Variants in GREB1 observed in about 807,000 individuals in gnomAD.
GREB1 encodes the protein growth regulating estrogen receptor binding 1.
GREB1 carries 106 observed loss-of-function variants against 200.7 expected under a neutral mutation model. The ratio of observed to expected loss-of-function variants is 0.53; its 90% CI spans 0.45 to 0.62. The LOEUF (loss-of-function observed/expected upper bound fraction) is 0.62. Among genes scored for constraint, GREB1 ranks in the 20% least tolerant of loss-of-function variants. The probability of loss-of-function intolerance (pLI) is 0.00; values close to 1 mark genes in which losing one functional copy is unlikely to be tolerated. For missense variants in GREB1, 2,243 were observed against 2,556.8 expected (o/e 0.88, Z 2.65); for synonymous variants, 1,132 against 1,092.4 (o/e 1.04, Z -0.72).
intron 1 of GREB1, among the ~76,000 whole-genome samples, chr2:11,505,059 G>A (rs960035304): frequency 2.0e-5 from 3 of 152,150 alleles, no homozygotes; most frequent in Non-Finnish European, 2.9e-5. Context: ...AGCCTCCTAA[G>A]TAGTTGGGAC....
In GREB1 at chr2:11,566,637, T is replaced by G. The variant is rs991199915; in HGVS notation, c.435T>G (p.Asn145Lys). 1.2e-6 allele frequency: 2 copies of G among 1,613,302 alleles called. No homozygotes were observed. The highest frequency in any genetic ancestry group is 1.3e-5 in the African/African-American group (1 of 74,892). ...ACAAGAGGTTCTTGCCAGATGACAA[T>G]GGCCACAATGCTCTTCTTGGTAAGT... ...AVDKRFLPDD[N>K]GHNALLGFSG... is the part of the protein sequence containing the mutation. The change falls in exon 4 of 33, where the codon AAT (asparagine) becomes AAG (lysine). Residue 145 changes from asparagine to lysine, a missense_variant. Around this residue, in one of 3 missense-constraint regions of GREB1, gnomAD observed 1,178 missense variants for 1,387.4 expected, o/e 0.85. Coordinates refer to ENST00000381486, the MANE Select transcript of GREB1 (RefSeq NM_014668.4).
intron 1 of GREB1, among the ~76,000 whole-genome samples, chr2:11,483,927 T>C (rs1012183005): frequency 7.2e-5 from 11 of 152,238 alleles, no homozygotes; most frequent in Non-Finnish European, 1.5e-4. Context: ...ACTTCAGGGC[T>C]TGAAAGACTT....
intron 1 of GREB1, among the ~76,000 whole-genome samples, chr2:11,540,388 G>T (rs1335165015): frequency 2.0e-5 from 3 of 152,230 alleles, no homozygotes; most frequent in Non-Finnish European, 2.9e-5. Flanking sequence ...CTTGGGCCCT[G>T]CCTGGTTGGT....
chr2:11,628,026 T>C (rs975300794), intron 25 of GREB1, among the ~76,000 whole-genome samples: 20 of 151,894 alleles, frequency 1.3e-4, no homozygotes, highest in African/African-American at 4.6e-4. Flanking sequence ...ACCCAGACTT[T>C]GGGGTGGGTA....
At chr2:11,600,386 A>G (rs1420756876) in intron 15 of GREB1, among the ~76,000 whole-genome samples, 1 of 152,144 alleles carries the variant, frequency 6.6e-6, no homozygotes, top group Non-Finnish European at 1.5e-5. Context: ...TAAACTGACT[A>G]TAGAATTTAC....
chr2:11,550,299 C>G (rs566285868), intron 1 of GREB1, among the ~76,000 whole-genome samples: 10 of 152,282 alleles, frequency 6.6e-5, no homozygotes, highest in African/African-American at 2.4e-4. Context: ...GGATATGGAT[C>G]TGTTATACTG....
chr2:11,640,016 C>G lies in GREB1; in HGVS notation c.5687-275C>G, dbSNP rs896142637. Among the ~76,000 whole-genome samples, 1 of 152,196 alleles carries G rather than the reference C, an allele frequency of 6.6e-6. No homozygotes were observed. Among genetic ancestry groups the G allele is most frequent in the African/African-American group, 2.4e-5 (1 of 41,522 alleles). ...GATGCTTGGTTTGCGATTCCACCAG[C>G]CTCTCTCCTTCCTCTCCGCACCTCG... On this transcript the variant is annotated intron_variant, in intron 32 of 32. Coordinates refer to ENST00000381486, the MANE Select transcript of GREB1 (RefSeq NM_014668.4). This position sits in a 1 kb window ranked among gnomAD's most constrained non-coding sequence, Gnocchi z 4.6.
chr2:11,595,443 A>T, intron 12 of GREB1, 64 bp downstream of exon 12: 1 of 1,536,236 alleles, frequency 6.5e-7, no homozygotes, highest in Non-Finnish European at 8.9e-7. Context: ...GTGCCGGGGG[A>T]GGTCATCTCT....
At position 11,616,626 on chromosome 2, in the gene GREB1, A is replaced by T; in HGVS notation, c.3323-5A>T. On this transcript the variant is annotated splice_polypyrimidine_tract_variant and splice_region_variant and intron_variant, in intron 20 of 32. Transcript: ENST00000381486. ...TGCATTCTCAGCGTGTGTGTTTTGG[A>T]ACAGGCTCTACCTCGGAGAAGAGAA... The T allele has an allele frequency of 6.3e-7, 1 of 1,591,118 alleles. No homozygotes were observed. Among genetic ancestry groups the T allele is most frequent in the Non-Finnish European group, 8.6e-7 (1 of 1,158,928 alleles).
At chr2:11,627,293 CTCCTGGGGT>C (rs1383370132) in intron 25 of GREB1, among the ~76,000 whole-genome samples, 189 bp downstream of exon 25, 1 of 152,200 alleles carries the variant, frequency 6.6e-6, no homozygotes, top group East Asian at 1.9e-4. Flanking sequence ...CACCACGGTT[CTCCTGGGGT>C]TGTGTGTTTA....
At chr2:11,568,708 T>G (rs915032789) in intron 4 of GREB1, among the ~76,000 whole-genome samples, 1 of 152,244 alleles carries the variant, frequency 6.6e-6, no homozygotes, top group African/African-American at 2.4e-5. Context: ...GCTCTGCCTG[T>G]TGGCCCGCAG....
chr2:11,520,734 G>T (rs1483745055), intron 1 of GREB1, among the ~76,000 whole-genome samples: 2 of 152,056 alleles, frequency 1.3e-5, no homozygotes, highest in Non-Finnish European at 2.9e-5. Context: ...CATTATCTCC[G>T]CATCTCAAGG....
intron 26 of GREB1, among the ~76,000 whole-genome samples, chr2:11,630,846 C>G (rs1684820601): frequency 6.6e-6 from 1 of 152,218 alleles, no homozygotes; most frequent in Admixed American, 6.5e-5. Flanking sequence ...CTGATCACCT[C>G]AGAGTCAGTT....
chr2:11,586,284 G>A (rs1347171627), intron 9 of GREB1, among the ~76,000 whole-genome samples: 1 of 152,248 alleles, frequency 6.6e-6, no homozygotes, highest in Non-Finnish European at 1.5e-5. Context: ...CTGGCTGCAG[G>A]AGCTCCGCTC....
At chr2:11,599,954 G>A (rs573162001) in intron 15 of GREB1, among the ~76,000 whole-genome samples, 1 of 152,344 alleles carries the variant, frequency 6.6e-6, no homozygotes, top group Non-Finnish European at 1.5e-5. Context: ...ATCTCCGTGA[G>A]ACTGGCCTAG....
chr2:11,568,962 C>T (rs11888397), intron 4 of GREB1, among the ~76,000 whole-genome samples: 13 of 152,312 alleles, frequency 8.5e-5, no homozygotes, highest in African/African-American at 2.9e-4. Flanking sequence ...CAAGGTGGTC[C>T]GCTCCAGCCC....
At chr2:11,484,742 C>T (rs1672610383) in intron 1 of GREB1, among the ~76,000 whole-genome samples, 1 of 152,350 alleles carries the variant, frequency 6.6e-6, no homozygotes, top group Admixed American at 6.5e-5. Flanking sequence ...ATGATCGTGC[C>T]ACTGCACTTC....
rs1672792913 is a variant in GREB1 at position 11,492,440 on chromosome 2, A to G, written c.-159+10059A>G. 6.6e-6 allele frequency among the ~76,000 whole-genome samples: 1 copy of G among 152,216 alleles called. No homozygotes were observed. The highest frequency in any genetic ancestry group is 1.5e-5 in the Non-Finnish European group (1 of 68,044). ...ACAGAATTTCCGCAAAAGGAGGACG[A>G]TAAATTGGGAGCTCAGCTGTGTTAT... On this transcript the variant is annotated intron_variant, in intron 1 of 2. Coordinates refer to the GREB1 transcript ENST00000628795. The surrounding 1 kb of genome is among the most constrained non-coding windows in gnomAD (Gnocchi z 4.0).
At chr2:11,587,436 C>T (rs756455598) in intron 9 of GREB1, 13 of 1,613,756 alleles carry the variant, frequency 8.1e-6, no homozygotes, top group Admixed American at 3.3e-5. Context: ...GAACCTGCAT[C>T]GCCCCGGAGC....
Sources: allele counts gnomAD v4.1 joint callset (sites outside exome capture counted in the v4.1 genomes callset), GRCh38; gene constraint gnomAD v4.1.1; regional missense constraint gnomAD v4.1.1; non-coding constraint Gnocchi (gnomAD v3.1); transcripts MANE v1.5; gene names NCBI Gene and HGNC (gene_info 2026-07-23, HGNC 2026-07-21).